The following EYA2 variants were observed in gnomAD, a reference collection of about 807,000 sequenced individuals.
EYA2 encodes the protein EYA transcriptional coactivator and phosphatase 2.
In EYA2, 31 loss-of-function variants were observed where a neutral mutation model predicts 69.2. That is an observed-to-expected ratio of 0.45 (90% confidence interval 0.34 to 0.60). The LOEUF (loss-of-function observed/expected upper bound fraction) is 0.60. Ranked by LOEUF, EYA2 falls within the 20% of genes least tolerant of loss-of-function variation. The pLI, the probability that EYA2 is intolerant of heterozygous loss-of-function variation, is 0.02. For missense variants in EYA2, 622 were observed against 701.2 expected, an observed-to-expected ratio of 0.89 and a Z score of 1.28; for synonymous variants, 257 against 279.4, an observed-to-expected ratio of 0.92 and a Z score of 0.80.
At chr20:47,028,236 G>A (rs1329578617) in intron 5 of EYA2, among the ~76,000 whole-genome samples, 2 of 152,222 alleles carry the variant, frequency 1.3e-5, no homozygotes, top group Admixed American at 1.3e-4. Context: ...GTTGACCTTG[G>A]ACTTCTTGGA....
chr20:47,002,222 A>G (rs1304464454), intron 3 of EYA2, among the ~76,000 whole-genome samples: 1 of 149,174 alleles, frequency 6.7e-6, no homozygotes, highest in East Asian at 2.0e-4. Context: ...TTTAAGTTCC[A>G]GTATACACAT....
intron 1 of EYA2, among the ~76,000 whole-genome samples, chr20:46,924,045 A>T (rs1985296224): frequency 1.3e-5 from 2 of 152,112 alleles, no homozygotes. Context: ...CTCTAGAAAG[A>T]TCTATCTTTC....
chr20:47,006,344 G>A lies in EYA2; in HGVS notation c.298+1260G>A, dbSNP rs543699569. Among the ~76,000 whole-genome samples, 7 of 152,336 alleles carry A rather than the reference G, an allele frequency of 4.6e-5. No individual in the cohort carries two copies. In the East Asian group the frequency reaches 1.2e-3, roughly 25 times the overall value. On this transcript the variant is annotated intron_variant, in intron 4 of 15. Transcript: ENST00000327619. ...GGGGTGGTTCACAAAGGAGAAGGAGGCAGGAAGAAACTACAGATAGCCACT... is the reference window on the plus strand; with the variant it reads ...GGGGTGGTTCACAAAGGAGAAGGAGACAGGAAGAAACTACAGATAGCCACT...
At position 47,133,257 on chromosome 20, in the gene EYA2, A is replaced by G. The variant is rs3827052; in HGVS notation, c.889-9802A>G. On this transcript the variant is annotated intron_variant, in intron 9 of 15. Coordinates refer to ENST00000327619, the MANE Select transcript of EYA2 (RefSeq NM_005244.5). ...GATCTACCAGCTCAGCCACCCCAGG[A>G]AAAAAAGGTGCCTCTCCCAGGAGTC... 3.3e-3 allele frequency among the ~76,000 whole-genome samples: 507 copies of G among 152,224 alleles called. 12 individuals are homozygous for G. The East Asian group carries it at 0.064, about 19-fold the overall frequency.
At chr20:47,048,252 G>A (rs931936332) in intron 5 of EYA2, among the ~76,000 whole-genome samples, 1 of 152,162 alleles carries the variant, frequency 6.6e-6, no homozygotes, top group African/African-American at 2.4e-5. Context: ...GAGACCTCAG[G>A]GAGGGGAGGA....
intron 5 of EYA2, among the ~76,000 whole-genome samples, chr20:47,039,398 A>G (rs530106030): frequency 1.8e-4 from 27 of 152,306 alleles, no homozygotes; most frequent in African/African-American, 5.1e-4. Flanking sequence ...CATTATGTCT[A>G]TTGTCTGTGG....
At chr20:47,091,621 T>C (rs113608488) in intron 8 of EYA2, among the ~76,000 whole-genome samples, 2,852 of 147,432 alleles carry the variant, frequency 0.019, 101 homozygotes, top group African/African-American at 0.067. Context: ...GGCACACACC[T>C]GTAGTCCCAG....
rs542897829 is a variant in EYA2 at position 46,913,052 on chromosome 20, G to A, written c.-11+18065G>A. On this transcript the variant is annotated intron_variant, in intron 1 of 15. Transcript: ENST00000327619. ...ACTGTGATGGCATGCTGGTAAACTG[G>A]TTCTCTGGAAATTAAAGGTCCTGAT... Among the ~76,000 whole-genome samples the A allele has an allele frequency of 2.0e-5, 3 of 152,320 alleles. No homozygotes were observed. In the South Asian group the frequency reaches 6.2e-4, roughly 32 times the overall value.
intron 5 of EYA2, among the ~76,000 whole-genome samples, chr20:47,039,835 C>CTTTTTGTTTTTTTT (rs1984939606): frequency 1.4e-5 from 1 of 69,806 alleles, no homozygotes; most frequent in African/African-American, 6.1e-5. Context: ...AGATCAAATA[C>CTTTTTGTTTTTTTT]TTTTTTTTTT....
At chr20:47,104,095 T>C (rs139435455) in intron 9 of EYA2, among the ~76,000 whole-genome samples, 86 of 152,338 alleles carry the variant, frequency 5.6e-4, no homozygotes, top group African/African-American at 1.9e-3. Flanking sequence ...CACATCCTCA[T>C]CAATATGTTA....
intron 10 of EYA2, among the ~76,000 whole-genome samples, chr20:47,154,285 T>C (rs148541638): frequency 5.3e-5 from 8 of 152,108 alleles, no homozygotes; most frequent in Non-Finnish European, 7.4e-5. Context: ...ACCAATCCCA[T>C]TGGGTTAGGG....
intron 7 of EYA2, among the ~76,000 whole-genome samples, chr20:47,083,710 C>T (rs1280591405): frequency 6.6e-6 from 1 of 151,796 alleles, no homozygotes; most frequent in Non-Finnish European, 1.5e-5. Flanking sequence ...ACATAGGAGA[C>T]AGTTTTGTGA....
intron 10 of EYA2, among the ~76,000 whole-genome samples, chr20:47,168,232 T>C (rs1368294321): frequency 6.6e-6 from 1 of 151,856 alleles, no homozygotes; most frequent in Admixed American, 6.6e-5. Context: ...TGCTCTGTCA[T>C]GCAGGCTGGA....
chr20:46,951,769 G>A (rs1000298599), intron 1 of EYA2, among the ~76,000 whole-genome samples: 6 of 152,190 alleles, frequency 3.9e-5, no homozygotes, highest in African/African-American at 9.7e-5. Flanking sequence ...GGATGGGGGC[G>A]AGAGTGTGGA....
intron 1 of EYA2, among the ~76,000 whole-genome samples, chr20:46,961,710 C>T (rs1470138683): frequency 6.6e-6 from 1 of 152,212 alleles, no homozygotes; most frequent in Non-Finnish European, 1.5e-5. Flanking sequence ...ACAAATCCTG[C>T]CATTCTCAGC....
chr20:47,063,814 G>C (rs1222950821), intron 5 of EYA2, among the ~76,000 whole-genome samples: 4 of 152,212 alleles, frequency 2.6e-5, no homozygotes, highest in African/African-American at 9.6e-5. Flanking sequence ...GGACTCCTGA[G>C]CTGCTCCCAC....
intron 5 of EYA2, among the ~76,000 whole-genome samples, chr20:47,042,306 C>G (rs1396700817): frequency 6.6e-6 from 1 of 152,184 alleles, no homozygotes; most frequent in African/African-American, 2.4e-5. Context: ...CGTCTAACTC[C>G]AGACTCCAAG....
intron 12 of EYA2, among the ~76,000 whole-genome samples, chr20:47,173,820 G>C (rs1008889150): frequency 6.6e-6 from 1 of 152,140 alleles, no homozygotes; most frequent in African/African-American, 2.4e-5. Flanking sequence ...GCTCTCATTG[G>C]AACCACCCAG....
intron 1 of EYA2, among the ~76,000 whole-genome samples, chr20:46,895,336 G>T (rs2146203693): frequency 6.6e-6 from 1 of 152,158 alleles, no homozygotes; most frequent in South Asian, 2.1e-4. Flanking sequence ...CGTTTTGTTC[G>T]ATTATGGTCC....
Sources: gnomAD v4.1 joint callset for allele counts (sites outside exome capture counted in the v4.1 genomes callset) on GRCh38, gnomAD v4.1.1 for gene constraint, MANE v1.5 for transcripts, NCBI Gene and HGNC (gene_info 2026-07-23, HGNC 2026-07-21) for gene names.